The following THSD7A variants were observed in gnomAD, a reference collection of about 807,000 sequenced individuals.
The protein encoded by THSD7A is thrombospondin type 1 domain containing 7A.
Under a neutral mutation model 231.3 loss-of-function variants are expected in THSD7A, and 96 were observed. The ratio of observed to expected loss-of-function variants is 0.41; its 90% CI spans 0.35 to 0.49. The LOEUF is 0.49. Ranked by LOEUF, THSD7A falls within the 20% of genes least tolerant of loss-of-function variation. The pLI is 0.05. For missense variants in THSD7A, 2,290 were observed against 2,070.2 expected (o/e 1.11, Z -2.06); for synonymous variants, 940 against 743.3 (o/e 1.26, Z -4.30).
At chr7:11,573,734 T>C (rs1351972646) in intron 4 of THSD7A, among the ~76,000 whole-genome samples, 1 of 152,208 alleles carries the variant, frequency 6.6e-6, no homozygotes, top group Non-Finnish European at 1.5e-5. Context: ...AGGTCTTTCA[T>C]CTCTCTGGCT....
intron 1 of THSD7A, among the ~76,000 whole-genome samples, chr7:11,722,122 C>T (rs1781377555): frequency 6.6e-6 from 1 of 151,830 alleles, no homozygotes; most frequent in Non-Finnish European, 1.5e-5. Flanking sequence ...TCTGGCTGTC[C>T]TTGTTAATAC....
intron 1 of THSD7A, among the ~76,000 whole-genome samples, chr7:11,779,806 TA>T (rs1417197083): frequency 3.3e-5 from 5 of 152,202 alleles, no homozygotes; most frequent in African/African-American, 1.2e-4. Context: ...CACAACTAAA[TA>T]ATTTATGAAT....
At chr7:11,483,492 A>T (rs1428661202) in intron 6 of THSD7A, among the ~76,000 whole-genome samples, 1 of 152,178 alleles carries the variant, frequency 6.6e-6, no homozygotes, top group African/African-American at 2.4e-5. Context: ...GGAGCTCTCA[A>T]ATTTTGTTTT....
chr7:11,425,199 T>A (rs1309925565), intron 15 of THSD7A, among the ~76,000 whole-genome samples: 1 of 152,156 alleles, frequency 6.6e-6, no homozygotes. Flanking sequence ...ACATGTTAGG[T>A]ACTCAATAGG....
At chr7:11,643,781 C>G (rs1782181284) in intron 1 of THSD7A, among the ~76,000 whole-genome samples, 1 of 151,914 alleles carries the variant, frequency 6.6e-6, no homozygotes, top group Non-Finnish European at 1.5e-5. Context: ...CTGATTATTT[C>G]CAATATTATA....
At chr7:11,560,130 A>G (rs943923906) in intron 4 of THSD7A, among the ~76,000 whole-genome samples, 2 of 152,204 alleles carry the variant, frequency 1.3e-5, no homozygotes, top group Admixed American at 1.3e-4. Flanking sequence ...ATCCACATAC[A>G]TGTCATCAGA....
intron 1 of THSD7A, among the ~76,000 whole-genome samples, chr7:11,779,003 TATC>T (rs1474387116): frequency 6.6e-6 from 1 of 152,136 alleles, no homozygotes; most frequent in East Asian, 1.9e-4. Flanking sequence ...ACATAATTGG[TATC>T]ATTAACTTTT....
intron 1 of THSD7A, among the ~76,000 whole-genome samples, chr7:11,779,795 A>G (rs1188410282): frequency 6.6e-6 from 1 of 152,314 alleles, no homozygotes. Flanking sequence ...GTATTACAAA[A>G]CACAACTAAA....
At chr7:11,466,935 G>A (rs920015135) in intron 9 of THSD7A, among the ~76,000 whole-genome samples, 1 of 151,902 alleles carries the variant, frequency 6.6e-6, no homozygotes, top group African/African-American at 2.4e-5. Flanking sequence ...CTCACCACAA[G>A]AAATGAGCCC....
At chr7:11,695,310 A>C (rs1780354271) in intron 1 of THSD7A, among the ~76,000 whole-genome samples, 1 of 151,528 alleles carries the variant, frequency 6.6e-6, no homozygotes, top group Non-Finnish European at 1.5e-5. Flanking sequence ...TGTTTAACCT[A>C]AAACTGGTTA....
chr7:11,390,514 T>A lies in THSD7A; in HGVS notation c.4412-7898A>T, dbSNP rs369247854. On this transcript the variant is annotated intron_variant, in intron 23 of 27. Transcript: ENST00000423059. ...TGTTAGCAATTCTTCTGACCTTTTTTCAAGGTTCTTAGCTTCCTTGCATTT... is the reference window on the plus strand; with the variant it reads ...TGTTAGCAATTCTTCTGACCTTTTTACAAGGTTCTTAGCTTCCTTGCATTT... 1.1e-4 allele frequency among the ~76,000 whole-genome samples: 17 copies of A among 152,358 alleles called. No individual in the cohort carries two copies. In the East Asian group the frequency reaches 3.1e-3, roughly 28 times the overall value.
intron 6 of THSD7A, among the ~76,000 whole-genome samples, chr7:11,522,437 T>C (rs1243839681): frequency 1.3e-5 from 2 of 152,238 alleles, no homozygotes; most frequent in African/African-American, 2.4e-5. Flanking sequence ...CTTTCATGTT[T>C]ATAAATGAGA....
At chr7:11,707,547 CATT>C (rs1291927094) in intron 1 of THSD7A, among the ~76,000 whole-genome samples, 1 of 150,942 alleles carries the variant, frequency 6.6e-6, no homozygotes, top group Non-Finnish European at 1.5e-5. Flanking sequence ...TACATTCTAT[CATT>C]ATAATCTCTG....
At chr7:11,755,416 C>G (rs950007069) in intron 1 of THSD7A, among the ~76,000 whole-genome samples, 1 of 151,978 alleles carries the variant, frequency 6.6e-6, no homozygotes, top group African/African-American at 2.4e-5. Context: ...CTGAAGTTGT[C>G]CTAGTTAAAG....
At chr7:11,710,831 T>A (rs562877374) in intron 1 of THSD7A, among the ~76,000 whole-genome samples, 1 of 150,928 alleles carries the variant, frequency 6.6e-6, no homozygotes, top group African/African-American at 2.4e-5. Context: ...GAGGATAATA[T>A]AGAGTTGAAT....
intron 13 of THSD7A, among the ~76,000 whole-genome samples, chr7:11,434,006 A>G (rs1784556347): frequency 6.6e-6 from 1 of 152,016 alleles, no homozygotes; most frequent in Non-Finnish European, 1.5e-5. Flanking sequence ...TTATTTTCCA[A>G]TGTCTGACAA....
At chr7:11,658,522 T>C (rs1437358924) in intron 1 of THSD7A, among the ~76,000 whole-genome samples, 1 of 151,566 alleles carries the variant, frequency 6.6e-6, no homozygotes, top group Non-Finnish European at 1.5e-5. Flanking sequence ...TCTGAGGGTG[T>C]GTTACATTTT....
chr7:11,583,210 A>ATTTTTTTTTTTTTTTTTTTTTTTTT (rs1361326156), intron 4 of THSD7A, among the ~76,000 whole-genome samples: 5 of 151,966 alleles, frequency 3.3e-5, no homozygotes, highest in African/African-American at 1.2e-4. Context: ...CTGACTCATT[A>ATTTTTTTTTTTTTTTTTTTTTTTTT]TTTTTAATCT....
At chr7:11,647,838 C>T (rs1235333585) in intron 1 of THSD7A, among the ~76,000 whole-genome samples, 5 of 152,048 alleles carry the variant, frequency 3.3e-5, no homozygotes, top group South Asian at 4.1e-4. Context: ...TGACCAGCCT[C>T]GGTGAGAAGA....
Sources: gnomAD v4.1 joint callset for allele counts (sites outside exome capture counted in the v4.1 genomes callset) on GRCh38, gnomAD v4.1.1 for gene constraint, MANE v1.5 for transcripts, NCBI Gene and HGNC (gene_info 2026-07-23, HGNC 2026-07-21) for gene names.